Variants in ASTN2 observed in about 807,000 individuals in gnomAD.
The protein encoded by ASTN2 is astrotactin 2.
ASTN2 carries 54 observed loss-of-function variants against 139.8 expected under a neutral mutation model. The ratio of observed to expected loss-of-function variants is 0.39; its 90% CI spans 0.31 to 0.48. The LOEUF is 0.48. Ranked by LOEUF, ASTN2 falls within the 20% of genes least tolerant of loss-of-function variation. The probability of loss-of-function intolerance (pLI) is 0.95; values close to 1 mark genes in which losing one functional copy is unlikely to be tolerated. For missense variants in ASTN2, 1,565 were observed against 1,725.1 expected, an observed-to-expected ratio of 0.91 and a Z score of 1.64; for synonymous variants, 756 against 719.5, an observed-to-expected ratio of 1.05 and a Z score of -0.81.
At chr9:117,234,689 G>C (rs1244042552) in intron 2 of ASTN2, among the ~76,000 whole-genome samples, 2 of 152,152 alleles carry the variant, frequency 1.3e-5, no homozygotes, top group African/African-American at 2.4e-5. Context: ...GAGCTCCGTG[G>C]AGCAGAGCTA....
intron 4 of ASTN2, among the ~76,000 whole-genome samples, chr9:117,116,973 T>G (rs1342415434): frequency 6.6e-6 from 1 of 151,690 alleles, no homozygotes; most frequent in Non-Finnish European, 1.5e-5. Flanking sequence ...CAGTAACAGA[T>G]TCACAATCAA....
chr9:116,643,746 C>T (rs1014739173), intron 17 of ASTN2, among the ~76,000 whole-genome samples: 25 of 152,156 alleles, frequency 1.6e-4, no homozygotes, highest in Non-Finnish European at 3.2e-4. Context: ...AAAAAACTTG[C>T]TTTGCAGTTC....
At chr9:117,098,764 A>C (rs1211901383) in intron 4 of ASTN2, among the ~76,000 whole-genome samples, 1 of 144,368 alleles carries the variant, frequency 6.9e-6, no homozygotes, top group East Asian at 2.1e-4. Context: ...ATTGCCATTA[A>C]AATATTTTAC....
intron 19 of ASTN2, among the ~76,000 whole-genome samples, chr9:116,553,428 C>T (rs1852446235): frequency 6.6e-6 from 1 of 152,168 alleles, no homozygotes; most frequent in African/African-American, 2.4e-5. Context: ...TTCAATTTCC[C>T]TTCCTCTGTT....
At chr9:116,535,730 T>A (rs534075691) in intron 19 of ASTN2, among the ~76,000 whole-genome samples, 159 of 152,342 alleles carry the variant, frequency 1.0e-3, no homozygotes, top group African/African-American at 3.7e-3. Context: ...GATCAGCTGT[T>A]AATCTGATGG....
At chr9:116,803,429 C>T (rs1180932519) in intron 13 of ASTN2, among the ~76,000 whole-genome samples, 2 of 142,288 alleles carry the variant, frequency 1.4e-5, no homozygotes, top group African/African-American at 2.5e-5. Context: ...GATGGTCCTG[C>T]TTCAGCCTCC....
At chr9:116,485,838 C>T (rs375718197) in intron 20 of ASTN2, among the ~76,000 whole-genome samples, 1 of 152,158 alleles carries the variant, frequency 6.6e-6, no homozygotes, top group Non-Finnish European at 1.5e-5. Context: ...TGGTGATATT[C>T]TTGAGTTTGG....
At chr9:116,494,130 A>C (rs1849602393) in intron 19 of ASTN2, among the ~76,000 whole-genome samples, 1 of 152,158 alleles carries the variant, frequency 6.6e-6, no homozygotes, top group African/African-American at 2.4e-5. Flanking sequence ...CAGTGTGTAG[A>C]GATCCTCACC....
intron 13 of ASTN2, among the ~76,000 whole-genome samples, chr9:116,737,290 TGA>T (rs1169436157): frequency 3.9e-5 from 6 of 152,074 alleles, no homozygotes; most frequent in Middle Eastern, 3.4e-3. Context: ...AAAACATGGA[TGA>T]GAGAGTAGCT....
At position 116,565,415 on chromosome 9, in the gene ASTN2, A is replaced by T. The variant is rs61529481; in HGVS notation, c.3355+52909T>A. Reference sequence around the variant, plus strand: ...TATATATATATATATATATATATATATATATATATATATATTTATTTATTT... The same window carrying T: ...TATATATATATATATATATATATATTTATATATATATATATTTATTTATTT... On this transcript the variant is annotated intron_variant, in intron 19 of 22. Coordinates refer to ENST00000313400, the MANE Select transcript of ASTN2 (RefSeq NM_001365068.1). Among the ~76,000 whole-genome samples, 265 of 102,224 alleles carry T rather than the reference A, an allele frequency of 2.6e-3. 4 individuals carry two copies. The highest frequency in any genetic ancestry group is 7.8e-3 in the African/African-American group (187 of 23,880). 67.1% of individuals were successfully genotyped at this position (102,224 alleles called of 152,430 possible).
At chr9:116,599,088 G>T (rs1026521056) in intron 19 of ASTN2, among the ~76,000 whole-genome samples, 1 of 152,164 alleles carries the variant, frequency 6.6e-6, no homozygotes, top group African/African-American at 2.4e-5. Flanking sequence ...AATGTAGTGG[G>T]TTGGATGTCA....
chr9:117,064,249 G>C (rs1170117793), intron 5 of ASTN2, among the ~76,000 whole-genome samples: 2 of 152,230 alleles, frequency 1.3e-5, no homozygotes, highest in Non-Finnish European at 2.9e-5. Flanking sequence ...CAGGGCCGCT[G>C]GGATGGCCAG....
intron 1 of ASTN2, among the ~76,000 whole-genome samples, chr9:117,393,347 A>C (rs1830590097): frequency 6.6e-6 from 1 of 152,194 alleles, no homozygotes; most frequent in Admixed American, 6.5e-5. Context: ...GACTGAGAGA[A>C]AGTGATGGAA....
chr9:116,588,563 C>G (rs1397543470), intron 19 of ASTN2, among the ~76,000 whole-genome samples: 1 of 152,134 alleles, frequency 6.6e-6, no homozygotes, highest in Non-Finnish European at 1.5e-5. Flanking sequence ...CTGGAAACCA[C>G]TTGATCTTGG....
intron 13 of ASTN2, among the ~76,000 whole-genome samples, chr9:116,804,861 T>A (rs140604124): frequency 6.6e-6 from 1 of 151,500 alleles, no homozygotes; most frequent in African/African-American, 2.4e-5. Context: ...TGTGTGAGTG[T>A]GTGTTTAGAT....
chr9:117,143,116 G>A (rs1368130168), intron 3 of ASTN2, among the ~76,000 whole-genome samples: 4 of 152,212 alleles, frequency 2.6e-5, no homozygotes, highest in Non-Finnish European at 4.4e-5. Flanking sequence ...TGGGTTCTGT[G>A]AGAAGTCCCA....
chr9:116,552,710 G>A (rs894209249), intron 19 of ASTN2, among the ~76,000 whole-genome samples: 1 of 152,154 alleles, frequency 6.6e-6, no homozygotes, highest in African/African-American at 2.4e-5. Context: ...GTGTTCTGGG[G>A]TAAAAAGCCC....
At chr9:116,623,145 CTCTGTGTG>C (rs1856252109) in intron 17 of ASTN2, among the ~76,000 whole-genome samples, 1 of 112,998 alleles carries the variant, frequency 8.8e-6, no homozygotes, top group Non-Finnish European at 1.9e-5. Context: ...AGAGAGCATA[CTCTGTGTG>C]TGTGTGTGTG....
chr9:116,548,670 C>T (rs576270094), intron 19 of ASTN2, among the ~76,000 whole-genome samples: 1 of 152,250 alleles, frequency 6.6e-6, no homozygotes, highest in East Asian at 1.9e-4. Context: ...TATGGGGTTT[C>T]ACCATGTTGG....
Sources: allele counts gnomAD v4.1 joint callset (sites outside exome capture counted in the v4.1 genomes callset), GRCh38; gene constraint gnomAD v4.1.1; transcripts MANE v1.5; gene names NCBI Gene and HGNC (gene_info 2026-07-23, HGNC 2026-07-21).